The following ANK2 variants were observed in gnomAD, a reference collection of about 807,000 sequenced individuals.
ANK2 encodes ankyrin-2.
A neutral mutation model predicts 360.5 loss-of-function variants in ANK2; 83 were observed. The ratio of observed to expected loss-of-function variants is 0.23; its 90% CI spans 0.19 to 0.28. ANK2 has a LOEUF of 0.28. Among genes scored for constraint, ANK2 ranks in the 10% least tolerant of loss-of-function variants. ANK2 has a pLI of 1.00. For missense variants in ANK2, 4,201 were observed against 4,795.7 expected, an observed-to-expected ratio of 0.88 and a Z score of 3.66; for synonymous variants, 1,740 against 1,759.5, an observed-to-expected ratio of 0.99 and a Z score of 0.28.
chr4:113,092,304 T>G (rs2088710781), intron 1 of ANK2, among the ~76,000 whole-genome samples: 1 of 152,224 alleles, frequency 6.6e-6, no homozygotes, highest in Admixed American at 6.5e-5. Flanking sequence ...TTGCCTTTGC[T>G]TCTGACTTCA....
At chr4:113,072,200 T>C (rs916045337) in intron 1 of ANK2, among the ~76,000 whole-genome samples, 4 of 152,180 alleles carry the variant, frequency 2.6e-5, no homozygotes, top group African/African-American at 9.7e-5. Context: ...GCCATTACCC[T>C]ATAGATATAA....
the ANK2 span, among the ~76,000 whole-genome samples, chr4:112,773,281 A>C: frequency 8.9e-3 from 1,355 of 152,276 alleles, 8 homozygotes; most frequent in Non-Finnish European, 0.014. Context: ...CGTGCTGCTG[A>C]ACTCCAGCCT....
intron 1 of ANK2, among the ~76,000 whole-genome samples, chr4:112,847,438 C>A (rs1342619283): frequency 9.2e-5 from 14 of 152,128 alleles, no homozygotes; most frequent in Non-Finnish European, 2.9e-5. Context: ...TGAATCTATC[C>A]TGCTACCACT....
rs140999250 is a variant in ANK2 at position 112,850,311 on chromosome 4, A to T, written c.-40+32047A>T. Among the ~76,000 whole-genome samples, 7 of 133,102 alleles carry T rather than the reference A, an allele frequency of 5.3e-5. No homozygotes were observed. The East Asian group carries it at 1.4e-3, about 26-fold the overall frequency. 87.3% of individuals were successfully genotyped at this position (133,102 alleles called of 152,430 possible). On this transcript the variant is annotated intron_variant, in intron 1 of 30. Coordinates refer to the ANK2 transcript ENST00000503271. ...ATCTATCTATCTATCTAATTTGTTC[A>T]TCCATCCATCCATTCATCTGTCCAT...
chr4:112,806,526 A>G, the ANK2 span, among the ~76,000 whole-genome samples: 7,127 of 152,220 alleles, frequency 0.047, 214 homozygotes, highest in Non-Finnish European at 0.077. Flanking sequence ...GAGTGCAGAT[A>G]TCTCTACAAT....
chr4:112,736,892 G>A, the ANK2 span, among the ~76,000 whole-genome samples: 15,168 of 152,280 alleles, frequency 0.1, 940 homozygotes, highest in Middle Eastern at 0.15. Context: ...AAGAGAAATA[G>A]TGACAGTAAT....
In ANK2 at chr4:113,250,759, C is replaced by CCA. The variant is rs1491245836; in HGVS notation, c.990+898_990+899insAC. On this transcript the variant is annotated intron_variant, in intron 10 of 45. Coordinates refer to ENST00000357077, the MANE Select transcript of ANK2 (RefSeq NM_001148.6). Reference sequence around the variant, plus strand: ...TCCATTCCACCTCATACCACCGCCCCCCCCCCCGACAGAGTTGGTATCAAC... The same window carrying CCA: ...TCCATTCCACCTCATACCACCGCCCCCACCCCCCCGACAGAGTTGGTATCAAC... Among the ~76,000 whole-genome samples the CCA allele has an allele frequency of 5.9e-5, 8 of 134,620 alleles. 2 individuals carry two copies. The highest frequency in any genetic ancestry group is 1.2e-4 in the Non-Finnish European group (7 of 60,536). The allele number at this position is 134,620 out of a possible 152,430, so 88.3% of individuals were successfully genotyped here.
In ANK2 at chr4:113,318,635, A is replaced by C. The variant is rs369903397; in HGVS notation, c.2900+15A>C. 6.8e-5 allele frequency: 108 copies of C among 1,582,372 alleles called. No individual in the cohort carries two copies. The highest frequency in any genetic ancestry group is 8.8e-5 in the Non-Finnish European group (102 of 1,154,706). On this transcript the variant is annotated intron_variant, in intron 26 of 45. Coordinates refer to ENST00000357077, the MANE Select transcript of ANK2 (RefSeq NM_001148.6). ...ATTCATTCAGGGTGAGTAAATCAAT[A>C]TTATGTATCCTGATCAAGAGGTAAA...
intron 1 of ANK2, among the ~76,000 whole-genome samples, chr4:113,148,792 C>T (rs923561418): frequency 5.3e-5 from 8 of 152,072 alleles, no homozygotes; most frequent in East Asian, 1.9e-4. Flanking sequence ...GTACTGGGAA[C>T]GTTCAAGGGA....
intron 1 of ANK2, among the ~76,000 whole-genome samples, chr4:113,162,967 G>T (rs951074062): frequency 6.6e-6 from 1 of 151,646 alleles, no homozygotes; most frequent in African/African-American, 2.4e-5. Flanking sequence ...ATTTATTTTC[G>T]CTTGAGAAAT....
At chr4:112,816,732 C>T (rs1209414906), upstream of ANK2, among the ~76,000 whole-genome samples, 3 of 152,172 alleles carry the variant, frequency 2.0e-5, no homozygotes, top group African/African-American at 4.8e-5. Context: ...GTGTCTTGGC[C>T]GGGCACAGTG....
chr4:112,992,065 A>G (rs534188990), intron 2 of ANK2, among the ~76,000 whole-genome samples: 153 of 152,144 alleles, frequency 1.0e-3, no homozygotes, highest in Admixed American at 1.9e-3. Context: ...CTAGAATTGC[A>G]TATAAAATCC....
chr4:112,760,265 C>T, the ANK2 span, among the ~76,000 whole-genome samples: 7 of 150,846 alleles, frequency 4.6e-5, no homozygotes, highest in Non-Finnish European at 8.8e-5. Flanking sequence ...CGGCTCACTG[C>T]AAGCTCCGCC....
At position 113,367,797 on chromosome 4, in the gene ANK2, G is replaced by C; in HGVS notation, c.11264G>C (p.Gly3755Ala). 1 of 1,613,990 alleles carries C rather than the reference G, an allele frequency of 6.2e-7. No individual in the cohort carries two copies. Among genetic ancestry groups the C allele is most frequent in the South Asian group, 1.1e-5 (1 of 91,066 alleles). ...GAGCAAGTTCAACAGGATTTCTCAG[G>C]GAAAATGCAAGACCTGCCTGAAGAG... is the stretch of plus-strand genomic sequence containing the variant. ...HKEQVQQDFS[G>A]KMQDLPEESS... The change falls in exon 42 of 46, where the codon GGG (glycine) becomes GCG (alanine). Residue 3755 changes from glycine to alanine, a missense_variant. Physicochemically the swap from Gly to Ala is moderately conservative, Grantham distance 60. Transcript: ENST00000357077.
chr4:112,886,197 T>C (rs1251430808), intron 1 of ANK2, among the ~76,000 whole-genome samples: 1 of 152,144 alleles, frequency 6.6e-6, no homozygotes, highest in Admixed American at 6.6e-5. Flanking sequence ...TAGGAGAAAT[T>C]GCCAGCAGCA....
rs558831947 is a variant in ANK2, at chr4:112,937,115, T to A, written c.21+32601T>A. Among the ~76,000 whole-genome samples, 12 of 152,094 alleles carry A rather than the reference T, an allele frequency of 7.9e-5. No individual in the cohort carries two copies. The East Asian group carries it at 2.3e-3, about 29-fold the overall frequency. ...CCTACTTATAGTTTTTAAGCACTTT[T>A]AAAATTTTTGTCCAACAAATAGATC... On this transcript the variant is annotated intron_variant, in intron 2 of 30. Transcript: ENST00000503271.
chr4:113,247,468 C>T (rs181459522), intron 9 of ANK2, among the ~76,000 whole-genome samples: 1 of 152,180 alleles, frequency 6.6e-6, no homozygotes, highest in Admixed American at 6.5e-5. Context: ...CCTTGATGTT[C>T]TTGTGGGTAT....
At chr4:112,751,929 T>G in the ANK2 span, among the ~76,000 whole-genome samples, 3 of 152,100 alleles carry the variant, frequency 2.0e-5, no homozygotes, top group African/African-American at 7.2e-5. Flanking sequence ...TGTTAGTGAG[T>G]TGATTTTACT....
In ANK2 at chr4:113,355,159, G is replaced by A. The variant is rs552900652; in HGVS notation, c.6541G>A (p.Asp2181Asn). The stretch of plus-strand genomic sequence containing the variant: ...TCCTTTCAACACAACATTTCCACTC[G>A]ACTACATGAAAGATGAGTTCCTTCC... ...TSPFNTTFPL[D>N]YMKDEFLPAL... The change falls in exon 38 of 46, where the codon GAC (aspartate) becomes AAC (asparagine). Residue 2181 changes from aspartate to asparagine, a missense_variant. This residue lies in a region of ANK2 where 2,642 missense variants were observed against 2,714.5 expected (regional missense o/e 0.97). Transcript: ENST00000357077. The A allele has an allele frequency of 1.9e-6, 3 of 1,614,066 alleles. No individual in the cohort carries two copies. The highest frequency in any genetic ancestry group is 1.3e-5 in the African/African-American group (1 of 75,040).
Sources: allele counts gnomAD v4.1 joint callset (sites outside exome capture counted in the v4.1 genomes callset), GRCh38; gene constraint gnomAD v4.1.1; regional missense constraint gnomAD v4.1.1; transcripts MANE v1.5; gene names NCBI Gene and HGNC (gene_info 2026-07-23, HGNC 2026-07-21).